Variants in RTL10 observed in about 807,000 individuals in gnomAD.
The protein encoded by RTL10 is protein Bop.
For missense variants in RTL10, 477 were observed against 470.7 expected (o/e 1.01, Z -0.12); for synonymous variants, 199 against 188.4 (o/e 1.06, Z -0.46).
At position 19,848,715 on chromosome 22, in the gene RTL10, G is replaced by A. The variant is rs542236751; in HGVS notation, c.*2452C>T. On this transcript the variant is annotated 3_prime_UTR_variant, in exon 3 of 3. Coordinates refer to ENST00000328554, the MANE Select transcript of RTL10 (RefSeq NM_024627.6). ...CTGCATGACTGGCCCTCAGACACAC[G>A]GCAGACCATAACTCACACACCCCCA... is the stretch of plus-strand genomic sequence containing the variant. 2.1e-5 allele frequency: 21 copies of A among 985,358 alleles called. No individual in the cohort carries two copies. Among genetic ancestry groups the A allele is most frequent in the African/African-American group, 8.7e-5 (5 of 57,332 alleles). 61.0% of individuals were successfully genotyped at this position (985,358 alleles called of 1,614,324 possible).
chr22:19,846,645 A>C lies in RTL10; in HGVS notation c.*4522T>G. 1 of 799,190 alleles carries C rather than the reference A, an allele frequency of 1.3e-6. No individual in the cohort carries two copies. Among genetic ancestry groups the C allele is most frequent in the Non-Finnish European group, 1.5e-6 (1 of 659,586 alleles). The allele number at this position is 799,190 out of a possible 1,614,324, so 49.5% of individuals were successfully genotyped here. A position where few individuals can be genotyped will look rare whatever the true frequency, so the allele number is the denominator to read the frequency against. On this transcript the variant is annotated 3_prime_UTR_variant, in exon 3 of 3. Transcript: ENST00000328554. ...ACCCCTAGTACTTACATTTGAAGAC[A>C]GGGTCTTTAAAGAGGTAATTCAGGG...
At position 19,848,626 on chromosome 22, in the gene RTL10, G is replaced by A. The variant is rs942688058; in HGVS notation, c.*2541C>T. ...AGCCCAACCACAATAAACAGGACGC[G>A]TTTTAATTAAAAACCAGGTCACCTG... On this transcript the variant is annotated 3_prime_UTR_variant, in exon 3 of 3. Transcript: ENST00000328554. 67 of 985,362 alleles carry A rather than the reference G, an allele frequency of 6.8e-5. No individual in the cohort carries two copies. The highest frequency in any genetic ancestry group is 1.2e-4 in the Admixed American group (2 of 16,268). The allele number at this position is 985,362 out of a possible 1,614,324, so 61.0% of individuals were successfully genotyped here.
chr22:19,852,087 G>T lies in RTL10; in HGVS notation c.175C>A (p.Arg59=). The part of the protein sequence containing the change: ...RPCCGDTVCV[R]TTMEQKSTAS... ...GTGCTCTTCTGCTCCATGGTCGTTC[G>T]CACACACACGGTGTCCCCACAGCAG... Residue 59 remains arginine (R), a synonymous_variant, in exon 3 of 3, where the codon CGA becomes AGA. Transcript: ENST00000328554. 1 of 1,614,220 alleles carries T rather than the reference G, an allele frequency of 6.2e-7. No individual in the cohort carries two copies. The highest frequency in any genetic ancestry group is 2.2e-5 in the East Asian group (1 of 44,878).
intron 2 of RTL10, among the ~76,000 whole-genome samples, chr22:19,853,912 C>T (rs949326732): frequency 9.9e-5 from 15 of 152,206 alleles, no homozygotes; most frequent in African/African-American, 3.6e-4. Flanking sequence ...CCACAATGAC[C>T]ACACCCCATG....
intron 2 of RTL10, among the ~76,000 whole-genome samples, chr22:19,853,720 G>T (rs994722304): frequency 8.4e-4 from 120 of 143,630 alleles, no homozygotes; most frequent in African/African-American, 3.1e-3. Flanking sequence ...CCCCCCTCTG[G>T]GGGGGGGGTC....
At position 19,851,798 on chromosome 22, in the gene RTL10, G is replaced by A. The variant is rs767567633; in HGVS notation, c.464C>T (p.Ala155Val). 3 of 1,613,992 alleles carry A rather than the reference G, an allele frequency of 1.9e-6. No individual in the cohort carries two copies. The highest frequency in any genetic ancestry group is 4.5e-5 in the East Asian group (2 of 44,880). The change falls in exon 3 of 3, where the codon GCC (alanine) becomes GTC (valine). Residue 155 changes from alanine to valine, a missense_variant. Transcript: ENST00000328554. ...RLTGRAQAWA[A>V]PYLDGDLPLP... ...GGGCAGGTCCCCATCAAGGTAGGGG[G>A]CTGCCCAGGCCTGGGCTCGGCCTGT... is the stretch of plus-strand genomic sequence containing the variant.
In RTL10 at chr22:19,848,591, T is replaced by C; in HGVS notation, c.*2576A>G. ...CACCACTTCAAGGCCCTACCTTCCT[T>C]TCTGGGCAGAGCCCAACCACAATAA... On this transcript the variant is annotated 3_prime_UTR_variant, in exon 3 of 3. Coordinates refer to ENST00000328554, the MANE Select transcript of RTL10 (RefSeq NM_024627.6). The C allele has an allele frequency of 1.0e-6, 1 of 985,482 alleles. No individual in the cohort carries two copies. The highest frequency in any genetic ancestry group is 1.2e-6 in the Non-Finnish European group (1 of 829,948). 61.0% of individuals were successfully genotyped at this position (985,482 alleles called of 1,614,324 possible). A position where few individuals can be genotyped will look rare whatever the true frequency, so the allele number is the denominator to read the frequency against.
chr22:19,850,946 G>T lies in RTL10; in HGVS notation c.*221C>A. 7.3e-7 allele frequency: 1 copy of T among 1,374,742 alleles called. No individual in the cohort carries two copies. The highest frequency in any genetic ancestry group is 9.4e-7 in the Non-Finnish European group (1 of 1,068,330). 85.2% of individuals were successfully genotyped at this position (1,374,742 alleles called of 1,614,324 possible). A position where few individuals can be genotyped will look rare whatever the true frequency, so the allele number is the denominator to read the frequency against. On this transcript the variant is annotated 3_prime_UTR_variant, in exon 3 of 3. Coordinates refer to ENST00000328554, the MANE Select transcript of RTL10 (RefSeq NM_024627.6). The stretch of plus-strand genomic sequence containing the variant: ...AAGACGGGCAGGGATGCAGCAGAGA[G>T]CCAGCAGCAGGGAAAGGGCACAGGG...
In RTL10 at chr22:19,849,863, G is replaced by A. The variant is rs750289417; in HGVS notation, c.*1304C>T. 9.1e-6 allele frequency: 9 copies of A among 985,400 alleles called. No individual in the cohort carries two copies. The East Asian group carries it at 9.1e-4, about 99-fold the overall frequency. 61.0% of individuals were successfully genotyped at this position (985,400 alleles called of 1,614,324 possible). A position where few individuals can be genotyped will look rare whatever the true frequency, so the allele number is the denominator to read the frequency against. ...GAGTGGGCACACACTGCACACACTG[G>A]GCGGCTGTACCTGCCTATCCTGTGG... is the stretch of plus-strand genomic sequence containing the variant. On this transcript the variant is annotated 3_prime_UTR_variant, in exon 3 of 3. Transcript: ENST00000328554.
In RTL10 at chr22:19,851,440, G is replaced by A. The variant is rs1277436836; in HGVS notation, c.822C>T (p.Pro274=). The change falls in exon 3 of 3, where the codon CCC becomes CCT. Residue 274 remains proline (P), a synonymous_variant. Coordinates refer to ENST00000328554, the MANE Select transcript of RTL10 (RefSeq NM_024627.6). ...CAGGCTTGGAGCTACATGTAGAACT[G>A]GGCAGGACTGGGGGCTCCTTGGGCC... The part of the protein sequence containing the change: ...TPGPKEPPVL[P]SSTCSSKPGP... The A allele has an allele frequency of 1.2e-6, 2 of 1,614,066 alleles. No homozygotes were observed. Among genetic ancestry groups the A allele is most frequent in the African/African-American group, 1.3e-5 (1 of 75,012 alleles).
At position 19,848,376 on chromosome 22, in the gene RTL10, A is replaced by G. The variant is rs1429358711; in HGVS notation, c.*2791T>C. Reference sequence around the variant, plus strand: ...TGCCAGTGTGTGGGGGCCAGAAGAGAAAAACAACCCAGGGGGAATGCCTCC... The same window carrying G: ...TGCCAGTGTGTGGGGGCCAGAAGAGGAAAACAACCCAGGGGGAATGCCTCC... On this transcript the variant is annotated 3_prime_UTR_variant, in exon 3 of 3. Transcript: ENST00000328554. 6 of 985,244 alleles carry G rather than the reference A, an allele frequency of 6.1e-6. No individual in the cohort carries two copies. The highest frequency in any genetic ancestry group is 7.2e-6 in the Non-Finnish European group (6 of 829,944). The allele number at this position is 985,244 out of a possible 1,614,324, so 61.0% of individuals were successfully genotyped here.
rs970606452 is a variant in RTL10 at position 19,847,832 on chromosome 22, CA to C, written c.*3334del. On this transcript the variant is annotated 3_prime_UTR_variant, in exon 3 of 3. Transcript: ENST00000328554. ...AAAAAAAAAAAAAAAAAAATTCACC[CA>C]TATTTTCCTCTAGTACTTTCATAAT... The C allele has an allele frequency of 1.4e-4, 99 of 705,962 alleles. 3 individuals carry two copies. Among genetic ancestry groups the C allele is most frequent in the Non-Finnish European group, 1.6e-4 (97 of 603,756 alleles). 43.7% of individuals were successfully genotyped at this position (705,962 alleles called of 1,614,324 possible).
In RTL10 at chr22:19,849,084, T is replaced by C. The variant is rs1025389456; in HGVS notation, c.*2083A>G. On this transcript the variant is annotated 3_prime_UTR_variant, in exon 3 of 3. Transcript: ENST00000328554. ...GCAGCTGTGACCTGGCACAGAAGCA[T>C]GGGGCTGGGCCAGGACATCCAGGGA... 9.1e-6 allele frequency: 9 copies of C among 985,326 alleles called. No individual in the cohort carries two copies. In the African/African-American group the frequency reaches 1.4e-4, roughly 15 times the overall value. 61.0% of individuals were successfully genotyped at this position (985,326 alleles called of 1,614,324 possible). A position where few individuals can be genotyped will look rare whatever the true frequency, so the allele number is the denominator to read the frequency against.
intron 2 of RTL10, among the ~76,000 whole-genome samples, chr22:19,853,794 T>C (rs1911351843): frequency 6.6e-6 from 1 of 152,060 alleles, no homozygotes; most frequent in Non-Finnish European, 1.5e-5. Flanking sequence ...TACTAAGGCC[T>C]GGACGTGAGT....
chr22:19,849,366 TTTG>T lies in RTL10; in HGVS notation c.*1798_*1800del, dbSNP rs1021730857. The stretch of plus-strand genomic sequence containing the variant: ...ATTTTTCTAAATAAGGTTTTTGTTT[TTTG>T]TTGTTTTTTTTTTTTTGGGATGGAG... On this transcript the variant is annotated 3_prime_UTR_variant, in exon 3 of 3. Transcript: ENST00000328554. 36 of 923,626 alleles carry T rather than the reference TTTG, an allele frequency of 3.9e-5. No homozygotes were observed. The highest frequency in any genetic ancestry group is 2.4e-4 in the East Asian group (2 of 8,254). The allele number at this position is 923,626 out of a possible 1,614,324, so 57.2% of individuals were successfully genotyped here.
Position 19,847,338 on chromosome 22 carries a change from C to T in RTL10, c.*3829G>A, listed in dbSNP as rs1326554064. The T allele has an allele frequency of 3.0e-6, 3 of 985,336 alleles. No homozygotes were observed. In the African/African-American group the frequency reaches 5.2e-5, roughly 17 times the overall value. 61.0% of individuals were successfully genotyped at this position (985,336 alleles called of 1,614,324 possible). A position where few individuals can be genotyped will look rare whatever the true frequency, so the allele number is the denominator to read the frequency against. On this transcript the variant is annotated 3_prime_UTR_variant, in exon 3 of 3. Coordinates refer to ENST00000328554, the MANE Select transcript of RTL10 (RefSeq NM_024627.6). ...CATGCTGACTGATCCTGCAGGGTAA[C>T]AGCTTTATTTGCCTTGCTCCTTTAT...
At position 19,851,372 on chromosome 22, in the gene RTL10, G is replaced by A. The variant is rs1467314955; in HGVS notation, c.890C>T (p.Pro297Leu). 6.2e-7 allele frequency: 1 copy of A among 1,614,144 alleles called. No individual in the cohort carries two copies. The highest frequency in any genetic ancestry group is 2.2e-5 in the East Asian group (1 of 44,876). ...CTCCGACAGTCTAGGGACAGGTGTG[G>A]GGGCTGCCTCCTCTGGCTGGGAAGA... ...PASSQPEEAA[P>L]TPVPRLSESA... The change falls in exon 3 of 3, where the codon CCC becomes CTC. Residue 297 changes from proline (P) to leucine (L), a missense_variant. Transcript: ENST00000328554.
rs1938076200 is a variant in RTL10 at position 19,850,792 on chromosome 22, GT to G, written c.*374del. On this transcript the variant is annotated 3_prime_UTR_variant, in exon 3 of 3. Transcript: ENST00000328554. ...GGCAGACCCAGTTCAGTCCCAGCCAGTGTGGAAGACACCAAGGGGGGTGTTT... is the reference window on the plus strand; with the variant it reads ...GGCAGACCCAGTTCAGTCCCAGCCAGGTGGAAGACACCAAGGGGGGTGTTT... 7.8e-7 allele frequency: 1 copy of G among 1,284,632 alleles called. No homozygotes were observed. The highest frequency in any genetic ancestry group is 3.2e-5 in the South Asian group (1 of 31,390). The allele number at this position is 1,284,632 out of a possible 1,614,324, so 79.6% of individuals were successfully genotyped here.
chr22:19,851,620 T>C lies in RTL10; in HGVS notation c.642A>G (p.Gln214=). ...PVAPQLPVVR[Q]YLARFLEGLA... ...GGCCCTCTAAGAACCTAGCTAAGTATTGCCTCACCACAGGCAGCTGAGGGG... is the reference window on the plus strand; with the variant it reads ...GGCCCTCTAAGAACCTAGCTAAGTACTGCCTCACCACAGGCAGCTGAGGGG... The change falls in exon 3 of 3, where the codon CAA becomes CAG. Residue 214 remains glutamine (Q), a synonymous_variant. Coordinates refer to ENST00000328554, the MANE Select transcript of RTL10 (RefSeq NM_024627.6). 1.3e-6 allele frequency: 2 copies of C among 1,594,794 alleles called. No homozygotes were observed. Among genetic ancestry groups the C allele is most frequent in the Non-Finnish European group, 8.6e-7 (1 of 1,168,710 alleles).
Sources: gnomAD v4.1 joint callset for allele counts (sites outside exome capture counted in the v4.1 genomes callset) on GRCh38, gnomAD v4.1.1 for gene constraint, MANE v1.5 for transcripts, NCBI Gene and HGNC (gene_info 2026-07-23, HGNC 2026-07-21) for gene names.